ADCY1: variants seen among roughly 807,000 people sequenced by gnomAD.
ADCY1 encodes adenylate cyclase type 1.
A neutral mutation model predicts 105.4 loss-of-function variants in ADCY1; 28 were observed. The observed-to-expected ratio is 0.27, with a 90% CI of 0.20 to 0.36. The LOEUF is 0.36. ADCY1 is among the 10% of genes least tolerant of loss of function. ADCY1 has a pLI of 1.00. For missense variants in ADCY1, 977 were observed against 1,434.2 expected (o/e 0.68, Z 5.15); for synonymous variants, 655 against 623.8 (o/e 1.05, Z -0.75).
chr7:45,576,949 A>G (rs1175380201), intron 1 of ADCY1, among the ~76,000 whole-genome samples: 1 of 152,184 alleles, frequency 6.6e-6, no homozygotes, highest in East Asian at 1.9e-4. Flanking sequence ...CATTTCCTAT[A>G]TAGCCTCTAG....
chr7:45,648,598 G>C, intron 4 of ADCY1, 72 bp from the exon 5 acceptor site: 2 of 1,595,948 alleles, frequency 1.3e-6, no homozygotes, highest in Non-Finnish European at 1.7e-6. Context: ...GTCTAGAGGT[G>C]GTGGAGCCAG....
At chr7:45,583,937 G>GTTTTTTTTTTTTTT (rs869216986) in intron 1 of ADCY1, among the ~76,000 whole-genome samples, 2 of 56,882 alleles carry the variant, frequency 3.5e-5, no homozygotes, top group East Asian at 1.4e-3. Context: ...ACTGTGCCCT[G>GTTTTTTTTTTTTTT]TTTTTTTTTT....
intron 1 of ADCY1, among the ~76,000 whole-genome samples, chr7:45,586,777 G>A (rs4720512): frequency 0.45 from 68,076 of 152,140 alleles, 15,716 homozygotes; most frequent in East Asian, 0.69. Flanking sequence ...CACCTGGGAG[G>A]TGGCAGGCTG....
At chr7:45,691,381 A>G (rs1344620236) in intron 14 of ADCY1, among the ~76,000 whole-genome samples, 2 of 152,220 alleles carry the variant, frequency 1.3e-5, no homozygotes, top group East Asian at 3.8e-4. Flanking sequence ...CCCTAGCAAA[A>G]CACAGAACTT....
chr7:45,721,533 C>T lies in ADCY1; in HGVS notation c.*7538C>T. On this transcript the variant is annotated 3_prime_UTR_variant, in exon 20 of 20. Transcript: ENST00000297323. ...CTCCAGACACCCTGAAACTACACAC[C>T]ATTTCTTCCCTGCTCAGCTTCTGCT... 1.3e-5 allele frequency: 5 copies of T among 396,866 alleles called. No individual in the cohort carries two copies. Among genetic ancestry groups the T allele is most frequent in the East Asian group, 1.1e-4 (3 of 28,042 alleles). 24.6% of individuals were successfully genotyped at this position (396,866 alleles called of 1,614,324 possible). A position where few individuals can be genotyped will look rare whatever the true frequency, so the allele number is the denominator to read the frequency against.
At chr7:45,610,785 T>G (rs1793533343) in intron 3 of ADCY1, among the ~76,000 whole-genome samples, 2 of 147,704 alleles carry the variant, frequency 1.4e-5, no homozygotes, top group Non-Finnish European at 3.0e-5. Flanking sequence ...GGTGTGGGGG[T>G]GATGGTGGAG....
At chr7:45,711,644 T>TATATATATATATATATATAC (rs1189707139) in intron 19 of ADCY1, among the ~76,000 whole-genome samples, 2 of 51,506 alleles carry the variant, frequency 3.9e-5, no homozygotes, top group African/African-American at 1.3e-4. Flanking sequence ...TATATATATA[T>TATATATATATATATATATAC]ACACACACAC....
chr7:45,669,259 G>C (rs1745209423), intron 8 of ADCY1, among the ~76,000 whole-genome samples: 2 of 151,908 alleles, frequency 1.3e-5, no homozygotes, highest in African/African-American at 2.4e-5. Flanking sequence ...TTTCTCTTGT[G>C]GACATTTAGT....
At chr7:45,576,700 C>G (rs945121135) in intron 1 of ADCY1, among the ~76,000 whole-genome samples, 3 of 152,228 alleles carry the variant, frequency 2.0e-5, no homozygotes, top group African/African-American at 7.2e-5. Flanking sequence ...TGCCTCCACC[C>G]CCCATCTGTC....
Position 45,712,937 on chromosome 7 carries a change from C to T in ADCY1, c.3058-756C>T, listed in dbSNP as rs1387169524. Among the ~76,000 whole-genome samples, 4 of 152,116 alleles carry T rather than the reference C, an allele frequency of 2.6e-5. No homozygotes were observed. In the South Asian group the frequency reaches 6.2e-4, roughly 24 times the overall value. ...GTCTCTGTTTTCTCTGGACAGTTTG[C>T]CTGCTGCCCTCCGTATGCTGGTCCC... On this transcript the variant is annotated intron_variant, in intron 19 of 19. Coordinates refer to ENST00000297323, the MANE Select transcript of ADCY1 (RefSeq NM_021116.4).
At chr7:45,631,063 A>G (rs1383636344) in intron 4 of ADCY1, among the ~76,000 whole-genome samples, 2 of 152,236 alleles carry the variant, frequency 1.3e-5, no homozygotes, top group African/African-American at 4.8e-5. Flanking sequence ...TAAAGCATCT[A>G]GCACAGTGCC....
chr7:45,638,380 A>G (rs1257269434), intron 4 of ADCY1, among the ~76,000 whole-genome samples: 2 of 152,004 alleles, frequency 1.3e-5, no homozygotes, highest in Non-Finnish European at 2.9e-5. Context: ...CTTCCATCTC[A>G]GACACTCTAG....
At chr7:45,654,620 G>A (rs572697204) in intron 5 of ADCY1, among the ~76,000 whole-genome samples, 1 of 152,310 alleles carries the variant, frequency 6.6e-6, no homozygotes, top group South Asian at 2.1e-4. Flanking sequence ...GCCACATGGA[G>A]CATGCTTCAG....
intron 6 of ADCY1, among the ~76,000 whole-genome samples, chr7:45,658,954 G>A (rs537686367): frequency 2.0e-5 from 3 of 152,342 alleles, no homozygotes; most frequent in Non-Finnish European, 2.9e-5. Flanking sequence ...GACTGGGCCC[G>A]GGGATCCAAG....
chr7:45,653,220 T>C (rs1455749064), intron 5 of ADCY1, among the ~76,000 whole-genome samples: 6 of 152,306 alleles, frequency 3.9e-5, no homozygotes, highest in African/African-American at 1.4e-4. Context: ...ACCCTGGACA[T>C]GTTCCTTTTG....
At chr7:45,675,240 C>A (rs1342575440) in intron 8 of ADCY1, among the ~76,000 whole-genome samples, 1 of 152,024 alleles carries the variant, frequency 6.6e-6, no homozygotes, top group Admixed American at 6.5e-5. Flanking sequence ...ATTATTTTTA[C>A]ATAACATTAC....
intron 3 of ADCY1, among the ~76,000 whole-genome samples, chr7:45,610,967 ATGG>A (rs1562687519): frequency 1.5e-5 from 2 of 137,480 alleles, no homozygotes; most frequent in African/African-American, 5.6e-5. Context: ...TGTAGAGGTG[ATGG>A]TGGAGGTGGG....
intron 14 of ADCY1, among the ~76,000 whole-genome samples, chr7:45,689,460 T>C (rs1380061203): frequency 6.6e-6 from 1 of 152,004 alleles, no homozygotes; most frequent in Non-Finnish European, 1.5e-5. Flanking sequence ...AGGCAAAACA[T>C]GAACATACAT....
intron 4 of ADCY1, among the ~76,000 whole-genome samples, chr7:45,631,996 G>A (rs888227582): frequency 4.6e-5 from 7 of 152,146 alleles, no homozygotes; most frequent in South Asian, 2.1e-4. Flanking sequence ...ATGTTTCGAG[G>A]TATGGGTCAA....
Sources: gnomAD v4.1 joint callset for allele counts (sites outside exome capture counted in the v4.1 genomes callset) on GRCh38, gnomAD v4.1.1 for gene constraint, MANE v1.5 for transcripts, NCBI Gene and HGNC (gene_info 2026-07-23, HGNC 2026-07-21) for gene names.